SEPTIN9: variants seen among roughly 807,000 people sequenced by gnomAD.
SEPTIN9 encodes the protein septin-9.
SEPTIN9 carries 13 observed loss-of-function variants against 56.6 expected under a neutral mutation model. The observed-to-expected ratio is 0.23, with a 90% CI of 0.15 to 0.37. SEPTIN9 has a LOEUF of 0.37. Among genes scored for constraint, SEPTIN9 ranks in the 10% least tolerant of loss-of-function variants. The pLI, the probability that SEPTIN9 is intolerant of heterozygous loss-of-function variation, is 1.00. For synonymous variants in SEPTIN9, 332 were observed against 334.1 expected (o/e 0.99, Z 0.07); for missense variants, 650 against 823.1 (o/e 0.79, Z 2.57).
At position 77,475,491 on chromosome 17, in the gene SEPTIN9, G is replaced by A; in HGVS notation, c.722-6653G>A. 5.0e-6 allele frequency: 8 copies of A among 1,598,766 alleles called. No individual in the cohort carries two copies. Among genetic ancestry groups the A allele is most frequent in the Non-Finnish European group, 6.8e-6 (8 of 1,173,114 alleles). ...CCTTTGTGGGGGACAGGGAGCATCTGTTAGTTTATAGGACCTGAAGTGCCC... is the reference window on the plus strand; with the variant it reads ...CCTTTGTGGGGGACAGGGAGCATCTATTAGTTTATAGGACCTGAAGTGCCC... On this transcript the variant is annotated intron_variant, in intron 3 of 11. Coordinates refer to ENST00000427177, the MANE Select transcript of SEPTIN9 (RefSeq NM_001113491.2). This position sits in a 1 kb window ranked among gnomAD's most constrained non-coding sequence, Gnocchi z 4.6.
rs2037231103 is a variant in SEPTIN9 at position 77,433,619 on chromosome 17, G to C, written c.721+30916G>C. Among the ~76,000 whole-genome samples the C allele has an allele frequency of 6.6e-6, 1 of 152,196 alleles. No individual in the cohort carries two copies. Among genetic ancestry groups the C allele is most frequent in the African/African-American group, 2.4e-5 (1 of 41,434 alleles). Reference sequence around the variant, plus strand: ...CTGGCTTGCTTTCAATAGGCCAGAGGGGTGGGGCTGGAGCGGGCGTCTGAC... The same window carrying C: ...CTGGCTTGCTTTCAATAGGCCAGAGCGGTGGGGCTGGAGCGGGCGTCTGAC... On this transcript the variant is annotated intron_variant, in intron 3 of 11. Coordinates refer to ENST00000427177, the MANE Select transcript of SEPTIN9 (RefSeq NM_001113491.2). This position sits in a 1 kb window ranked among gnomAD's most constrained non-coding sequence, Gnocchi z 6.4.
chr17:77,335,299 T>C (rs1485006521), intron 2 of SEPTIN9, among the ~76,000 whole-genome samples: 1 of 151,234 alleles, frequency 6.6e-6, no homozygotes, highest in Non-Finnish European at 1.5e-5. Context: ...TATTAGTATA[T>C]GTACATATAT....
chr17:77,387,317 C>G (rs1287009530), intron 2 of SEPTIN9, among the ~76,000 whole-genome samples: 1 of 152,218 alleles, frequency 6.6e-6, no homozygotes, highest in Non-Finnish European at 1.5e-5. Flanking sequence ...GGCCTTTTCT[C>G]TGTGTCTCTG....
At chr17:77,299,143 G>A (rs1054927124) in intron 1 of SEPTIN9, among the ~76,000 whole-genome samples, 2 of 152,184 alleles carry the variant, frequency 1.3e-5, no homozygotes, top group African/African-American at 2.4e-5. Flanking sequence ...AAGGCCACAC[G>A]GCTCAGTGCT....
chr17:77,488,414 G>C, intron 6 of SEPTIN9, 93 bp downstream of exon 6: 1 of 1,204,292 alleles, frequency 8.3e-7, no homozygotes, highest in Non-Finnish European at 1.2e-6. Context: ...CCGGCCCGCG[G>C]GGGTGCAGGG....
At chr17:77,340,331 C>T (rs546888645) in intron 2 of SEPTIN9, among the ~76,000 whole-genome samples, 2 of 147,424 alleles carry the variant, frequency 1.4e-5, no homozygotes, top group Admixed American at 1.3e-4. Flanking sequence ...AGTAGAGATG[C>T]GGTTTCACCA....
intron 3 of SEPTIN9, among the ~76,000 whole-genome samples, chr17:77,459,022 C>T (rs1473591814): frequency 1.3e-5 from 2 of 152,202 alleles, no homozygotes; most frequent in Non-Finnish European, 2.9e-5. Context: ...GGGCCATGGG[C>T]CCATGCGTCC....
chr17:77,429,139 G>T lies in SEPTIN9; in HGVS notation c.721+26436G>T. On this transcript the variant is annotated intron_variant, in intron 3 of 11. Transcript: ENST00000427177. The surrounding 1 kb of genome is among the most constrained non-coding windows in gnomAD (Gnocchi z 5.2). ...TGTGAGGCCAAGCTCCTGGGGTGGGGACTTGGGGGTGTGTCTGCAGCTCCT... is the reference window on the plus strand; with the variant it reads ...TGTGAGGCCAAGCTCCTGGGGTGGGTACTTGGGGGTGTGTCTGCAGCTCCT... 1 of 471,714 alleles carries T rather than the reference G, an allele frequency of 2.1e-6. No individual in the cohort carries two copies. 29.2% of individuals were successfully genotyped at this position (471,714 alleles called of 1,614,324 possible). A position where few individuals can be genotyped will look rare whatever the true frequency, so the allele number is the denominator to read the frequency against.
At chr17:77,361,169 CCGCCTT>C in intron 2 of SEPTIN9, among the ~76,000 whole-genome samples, 1 of 152,144 alleles carries the variant, frequency 6.6e-6, no homozygotes, top group East Asian at 1.9e-4. Flanking sequence ...GGTGATCCAC[CCGCCTT>C]GGCCTCCCAA....
intron 3 of SEPTIN9, among the ~76,000 whole-genome samples, chr17:77,443,417 T>C: frequency 6.6e-6 from 1 of 152,308 alleles, no homozygotes. Context: ...GTCACACTTT[T>C]AATAATAAGT....
intron 3 of SEPTIN9, among the ~76,000 whole-genome samples, chr17:77,406,315 C>T (rs941580116): frequency 2.0e-5 from 3 of 152,170 alleles, no homozygotes; most frequent in African/African-American, 7.2e-5. Context: ...ACCTCCTGAA[C>T]CCTGACCTCT....
intron 2 of SEPTIN9, among the ~76,000 whole-genome samples, chr17:77,366,006 G>C (rs757354049): frequency 6.6e-6 from 1 of 152,082 alleles, no homozygotes; most frequent in Admixed American, 6.6e-5. Context: ...AAAAACAGTA[G>C]GGAGGCCAGG....
intron 3 of SEPTIN9, among the ~76,000 whole-genome samples, chr17:77,460,321 A>G (rs2038410755): frequency 6.6e-6 from 1 of 151,984 alleles, no homozygotes; most frequent in Admixed American, 6.6e-5. Flanking sequence ...GAAGGCCCCT[A>G]CGTTGTGTGT....
At chr17:77,333,376 C>T (rs1188476646) in intron 2 of SEPTIN9, among the ~76,000 whole-genome samples, 1 of 152,164 alleles carries the variant, frequency 6.6e-6, no homozygotes, top group Non-Finnish European at 1.5e-5. Flanking sequence ...TTATTCCAGT[C>T]TGTGGCTTGC....
intron 10 of SEPTIN9, among the ~76,000 whole-genome samples, chr17:77,493,880 C>T (rs532462735): frequency 2.0e-5 from 3 of 148,196 alleles, no homozygotes; most frequent in Non-Finnish European, 3.0e-5. Context: ...TCAAGTAATT[C>T]TCCTGCCTCA....
At chr17:77,352,605 C>A (rs1011364745) in intron 2 of SEPTIN9, among the ~76,000 whole-genome samples, 23 of 152,146 alleles carry the variant, frequency 1.5e-4, no homozygotes, top group Non-Finnish European at 2.4e-4. Context: ...GCCTACCCCC[C>A]ACCTGGCCTT....
intron 4 of SEPTIN9, chr17:77,482,786 C>G: frequency 1.8e-6 from 1 of 556,378 alleles, no homozygotes; most frequent in Non-Finnish European, 3.2e-6. Context: ...GGCCTCGTGG[C>G]TTCCACACCC....
intron 10 of SEPTIN9, 131 bp downstream of exon 10, chr17:77,493,207 A>G (rs2040110801): frequency 4.2e-6 from 3 of 715,338 alleles, no homozygotes; most frequent in South Asian, 1.6e-5. Flanking sequence ...ACCCAGAGGG[A>G]GGGGTCTCCT....
rs2037347911 is a variant in SEPTIN9, at chr17:77,436,643, T to C, written c.721+33940T>C. Among the ~76,000 whole-genome samples, 1 of 152,224 alleles carries C rather than the reference T, an allele frequency of 6.6e-6. No homozygotes were observed. The highest frequency in any genetic ancestry group is 2.4e-5 in the African/African-American group (1 of 41,472). ...CCGCTGGAGGGAGTGACCTGGCCCC[T>C]GGCCCCGGCCACCTACACCTCCTGT... On this transcript the variant is annotated intron_variant, in intron 3 of 11. Coordinates refer to ENST00000427177, the MANE Select transcript of SEPTIN9 (RefSeq NM_001113491.2). This position sits in a 1 kb window ranked among gnomAD's most constrained non-coding sequence, Gnocchi z 4.4.
Sources: gnomAD v4.1 joint callset for allele counts (sites outside exome capture counted in the v4.1 genomes callset) on GRCh38, gnomAD v4.1.1 for gene constraint, Gnocchi (gnomAD v3.1) non-coding constraint, MANE v1.5 for transcripts, NCBI Gene and HGNC (gene_info 2026-07-23, HGNC 2026-07-21) for gene names.